The following KCNAB1 variants were observed in gnomAD, a reference collection of about 807,000 sequenced individuals.
The protein encoded by KCNAB1 is potassium voltage-gated channel subfamily A regulatory beta subunit 1.
KCNAB1 carries 35 observed loss-of-function variants against 64.6 expected under a neutral mutation model. The observed-to-expected ratio is 0.54, with a 90% CI of 0.41 to 0.72. The LOEUF (loss-of-function observed/expected upper bound fraction) is 0.72, where lower values mean the gene tolerates loss of function less well. Ranked by LOEUF, KCNAB1 falls within the 30% of genes least tolerant of loss-of-function variation. The pLI, the probability that KCNAB1 is intolerant of heterozygous loss-of-function variation, is 0.00. For synonymous variants in KCNAB1, 177 were observed against 183.8 expected (o/e 0.96, Z 0.30); for missense variants, 401 against 512.9 (o/e 0.78, Z 2.11).
At chr3:156,336,210 A>C (rs1002054723) in intron 1 of KCNAB1, among the ~76,000 whole-genome samples, 2 of 152,106 alleles carry the variant, frequency 1.3e-5, no homozygotes, top group African/African-American at 4.8e-5. Context: ...AAATACAACA[A>C]ATTTAGCCAG....
intron 4 of KCNAB1, among the ~76,000 whole-genome samples, chr3:156,459,411 T>G (rs1032063181): frequency 2.4e-4 from 36 of 152,226 alleles, no homozygotes; most frequent in African/African-American, 7.9e-4. Context: ...GAGCAAATAT[T>G]TTTTATCTAA....
chr3:156,121,245 T>A (rs1577604083), intron 1 of KCNAB1, among the ~76,000 whole-genome samples: 1 of 152,346 alleles, frequency 6.6e-6, no homozygotes, highest in South Asian at 2.1e-4. Flanking sequence ...TCTTTCAGCA[T>A]TTCCTTTGCT....
At chr3:156,219,695 TTTATTATTATTA>T (rs139168632) in intron 1 of KCNAB1, among the ~76,000 whole-genome samples, 84,747 of 146,606 alleles carry the variant, frequency 0.58, 24,916 homozygotes, top group East Asian at 0.88. Context: ...AAGGAATCTT[TTTATTATTATTA>T]TTATTATTAT....
At chr3:156,419,444 T>C (rs1397779743) in intron 1 of KCNAB1, among the ~76,000 whole-genome samples, 3 of 146,608 alleles carry the variant, frequency 2.0e-5, no homozygotes, top group African/African-American at 7.6e-5. Flanking sequence ...GAGCTTGCAG[T>C]GAGCCGAGAT....
intron 1 of KCNAB1, among the ~76,000 whole-genome samples, chr3:156,300,716 A>T (rs1721097003): frequency 6.6e-6 from 1 of 152,206 alleles, no homozygotes; most frequent in Non-Finnish European, 1.5e-5. Context: ...GTAATGGGGG[A>T]TGACTATGCT....
intron 1 of KCNAB1, among the ~76,000 whole-genome samples, chr3:156,213,379 G>A (rs1576610905): frequency 6.6e-6 from 1 of 152,094 alleles, no homozygotes; most frequent in African/African-American, 2.4e-5. Flanking sequence ...CACTATGCCT[G>A]GCTAATTTTT....
chr3:156,396,034 T>C (rs1272151447), intron 1 of KCNAB1, among the ~76,000 whole-genome samples: 3 of 152,228 alleles, frequency 2.0e-5, no homozygotes, highest in African/African-American at 7.2e-5. Flanking sequence ...TGACTGGTAA[T>C]AAGAACGTTA....
intron 1 of KCNAB1, among the ~76,000 whole-genome samples, chr3:156,290,676 A>C (rs1322747423): frequency 2.0e-5 from 3 of 152,172 alleles, no homozygotes; most frequent in Non-Finnish European, 4.4e-5. Flanking sequence ...TGGGCAGTGT[A>C]TGTGGTTTCA....
At chr3:156,324,703 C>T (rs1722862690) in intron 1 of KCNAB1, among the ~76,000 whole-genome samples, 1 of 152,078 alleles carries the variant, frequency 6.6e-6, no homozygotes, top group Non-Finnish European at 1.5e-5. Context: ...CAGTCATATT[C>T]ATTTTTCAAT....
At chr3:156,538,906 A>ACTT (rs1265968434), downstream of KCNAB1, 1 of 152,374 alleles carries the variant, frequency 6.6e-6, no homozygotes, top group South Asian at 2.1e-4. Context: ...TCACAAATTC[A>ACTT]CTTTTAAAAA....
intron 8 of KCNAB1, among the ~76,000 whole-genome samples, chr3:156,505,716 C>T (rs1716789759): frequency 1.3e-5 from 2 of 152,134 alleles, no homozygotes; most frequent in Non-Finnish European, 2.9e-5. Flanking sequence ...TTAATTGGCT[C>T]ATGGAGCTGC....
At chr3:156,430,813 T>C (rs1291196533) in intron 2 of KCNAB1, among the ~76,000 whole-genome samples, 1 of 152,262 alleles carries the variant, frequency 6.6e-6, no homozygotes, top group East Asian at 1.9e-4. Flanking sequence ...GCACCAAATG[T>C]GTAGGGCCCC....
intron 1 of KCNAB1, among the ~76,000 whole-genome samples, chr3:156,244,930 G>A (rs114039934): frequency 0.011 from 1,613 of 152,220 alleles, 31 homozygotes; most frequent in African/African-American, 0.037. Context: ...TTGCATTATC[G>A]CCTCTAGAGA....
chr3:156,454,907 G>A (rs936730334), intron 3 of KCNAB1, among the ~76,000 whole-genome samples: 5 of 152,278 alleles, frequency 3.3e-5, no homozygotes, highest in East Asian at 1.9e-4. Flanking sequence ...TGCCCGGGTC[G>A]TAGTGTGAAG....
intron 1 of KCNAB1, among the ~76,000 whole-genome samples, chr3:156,399,430 C>G (rs775800694): frequency 1.3e-5 from 2 of 152,084 alleles, no homozygotes; most frequent in Admixed American, 6.5e-5. Flanking sequence ...GCTTTCTCAC[C>G]GAATATGTGC....
At chr3:156,408,458 T>C (rs1255550537) in intron 1 of KCNAB1, among the ~76,000 whole-genome samples, 1 of 152,180 alleles carries the variant, frequency 6.6e-6, no homozygotes, top group African/African-American at 2.4e-5. Flanking sequence ...AATGGTTGCC[T>C]GTGCTTCTGT....
intron 1 of KCNAB1, among the ~76,000 whole-genome samples, chr3:156,230,867 A>T (rs942343558): frequency 2.0e-5 from 3 of 152,230 alleles, no homozygotes; most frequent in African/African-American, 7.2e-5. Context: ...TTTTACAAAA[A>T]GTTTGCATTA....
At chr3:156,271,637 T>G (rs1291899302) in intron 1 of KCNAB1, among the ~76,000 whole-genome samples, 1 of 152,266 alleles carries the variant, frequency 6.6e-6, no homozygotes, top group Admixed American at 6.5e-5. Context: ...AAACAGCTAT[T>G]TCAAATGCTC....
At chr3:156,489,413 G>C (rs191435069) in intron 8 of KCNAB1, among the ~76,000 whole-genome samples, 1 of 151,184 alleles carries the variant, frequency 6.6e-6, no homozygotes, top group Non-Finnish European at 1.5e-5. Context: ...GACGGGATCA[G>C]CTATATCAAA....
Sources: gnomAD v4.1 joint callset for allele counts (sites outside exome capture counted in the v4.1 genomes callset) on GRCh38, gnomAD v4.1.1 for gene constraint, MANE v1.5 for transcripts, NCBI Gene and HGNC (gene_info 2026-07-23, HGNC 2026-07-21) for gene names.